Variants in DPYSL2 observed in about 807,000 individuals in gnomAD.
DPYSL2 encodes dihydropyrimidinase like 2.
DPYSL2 carries 13 observed loss-of-function variants against 69.9 expected under a neutral mutation model. The ratio of observed to expected loss-of-function variants is 0.19; its 90% CI spans 0.12 to 0.30. The LOEUF is 0.30. Ranked by LOEUF, DPYSL2 falls within the 10% of genes least tolerant of loss-of-function variation. DPYSL2 has a pLI of 1.00. For synonymous variants in DPYSL2, 326 were observed against 359.1 expected, an observed-to-expected ratio of 0.91 and a Z score of 1.04; for missense variants, 587 against 918.9, an observed-to-expected ratio of 0.64 and a Z score of 4.67.
rs1276373820 is a variant in DPYSL2 at position 26,652,778 on chromosome 8, A to C, written c.1776+342A>C. On this transcript the variant is annotated intron_variant, in intron 12 of 13. Coordinates refer to ENST00000521913, the MANE Select transcript of DPYSL2 (RefSeq NM_001197293.3). This position sits in a 1 kb window ranked among gnomAD's most constrained non-coding sequence, Gnocchi z 6.3. ...AGGTTAAGTAGGAGTTTGTCAAGTC[A>C]AAGAAGGGAGATGAGGGAATTTGAT... Among the ~76,000 whole-genome samples, 1 of 152,194 alleles carries C rather than the reference A, an allele frequency of 6.6e-6. No homozygotes were observed.
In DPYSL2 at chr8:26,598,655, A is replaced by G. The variant is rs1486549665; in HGVS notation, c.628+14672A>G. On this transcript the variant is annotated intron_variant, in intron 3 of 13. Transcript: ENST00000521913. The surrounding 1 kb of genome is among the most constrained non-coding windows in gnomAD (Gnocchi z 4.2). ...TTTTTTCCCGTTAGCTTACAGCACA[A>G]AGTACTTTGAAATAAAGATTGGCTC... 2.0e-5 allele frequency among the ~76,000 whole-genome samples: 3 copies of G among 152,130 alleles called. No individual in the cohort carries two copies. Among genetic ancestry groups the G allele is most frequent in the South Asian group, 4.1e-4 (2 of 4,826 alleles).
In DPYSL2 at chr8:26,571,262, G is replaced by A. The variant is rs1031767492; in HGVS notation, c.355-10707G>A. Among the ~76,000 whole-genome samples the A allele has an allele frequency of 6.6e-6, 1 of 152,144 alleles. No homozygotes were observed. Among genetic ancestry groups the A allele is most frequent in the African/African-American group, 2.4e-5 (1 of 41,414 alleles). On this transcript the variant is annotated intron_variant, in intron 1 of 13. Transcript: ENST00000521913. The surrounding 1 kb of genome is among the most constrained non-coding windows in gnomAD (Gnocchi z 6.1). ...AAAACCTTCCTGGACCTTACCTCCG[G>A]ATATTCTGTTCAGGATGTCTGAGCT... is the stretch of plus-strand genomic sequence containing the variant.
intron 11 of DPYSL2, among the ~76,000 whole-genome samples, chr8:26,651,429 C>T (rs1260966035): frequency 2.6e-5 from 4 of 152,190 alleles, no homozygotes; most frequent in Non-Finnish European, 4.4e-5. Context: ...TTGGAGCAAC[C>T]TATTAATCCT....
chr8:26,578,062 A>C, intron 1 of DPYSL2: 1 of 1,461,984 alleles, frequency 6.8e-7, no homozygotes, highest in Non-Finnish European at 9.0e-7. Context: ...GAGAGGAAGA[A>C]AGAGAGACAG....
intron 1 of DPYSL2, among the ~76,000 whole-genome samples, chr8:26,539,285 C>A (rs966220587): frequency 2.0e-5 from 3 of 152,188 alleles, no homozygotes; most frequent in African/African-American, 7.2e-5. Context: ...CCCTCTCCCC[C>A]TGCCCAGCAC....
At chr8:26,573,394 C>T (rs897780031) in intron 1 of DPYSL2, among the ~76,000 whole-genome samples, 7 of 150,726 alleles carry the variant, frequency 4.6e-5, no homozygotes, top group Non-Finnish European at 8.9e-5. Context: ...CGTGGCCGGG[C>T]GCGGTGGCTC....
chr8:26,600,721 C>T (rs936233021), intron 3 of DPYSL2, among the ~76,000 whole-genome samples: 1 of 152,146 alleles, frequency 6.6e-6, no homozygotes, highest in Non-Finnish European at 1.5e-5. Flanking sequence ...AGGCAGCCCT[C>T]TTAGCTCTCC....
At chr8:26,546,365 C>G (rs1253980831) in intron 1 of DPYSL2, among the ~76,000 whole-genome samples, 1 of 152,118 alleles carries the variant, frequency 6.6e-6, no homozygotes, top group Non-Finnish European at 1.5e-5. Flanking sequence ...GCTACAATTG[C>G]TTATCAGTTC....
intron 1 of DPYSL2, among the ~76,000 whole-genome samples, chr8:26,555,574 C>G (rs1323100661): frequency 1.3e-5 from 2 of 151,866 alleles, no homozygotes; most frequent in African/African-American, 4.8e-5. Context: ...CTACAATTCC[C>G]TATGCACAAA....
At chr8:26,584,693 C>G (rs1244083642) in intron 3 of DPYSL2, among the ~76,000 whole-genome samples, 2 of 146,780 alleles carry the variant, frequency 1.4e-5, no homozygotes, top group African/African-American at 5.1e-5. Flanking sequence ...AATCTGGGCT[C>G]ACTGCAACCT....
In DPYSL2 at chr8:26,652,569, A is replaced by T; in HGVS notation, c.1776+133A>T. ...ATTCCAGGGATAAGAGGGAGCCTGA[A>T]TTTTTTATTCCTGGCATTTAAAATA... On this transcript the variant is annotated intron_variant, in intron 12 of 13. Coordinates refer to ENST00000521913, the MANE Select transcript of DPYSL2 (RefSeq NM_001197293.3). The surrounding 1 kb of genome is among the most constrained non-coding windows in gnomAD (Gnocchi z 6.3). The T allele has an allele frequency of 1.0e-6, 1 of 976,804 alleles. No homozygotes were observed. The highest frequency in any genetic ancestry group is 1.5e-6 in the Non-Finnish European group (1 of 679,640). The allele number at this position is 976,804 out of a possible 1,614,324, so 60.5% of individuals were successfully genotyped here.
chr8:26,545,211 T>G (rs191235268), intron 1 of DPYSL2, among the ~76,000 whole-genome samples: 142 of 152,294 alleles, frequency 9.3e-4, no homozygotes, highest in African/African-American at 3.3e-3. Flanking sequence ...AGTATGCACA[T>G]TTTTCTCAGG....
intron 1 of DPYSL2, among the ~76,000 whole-genome samples, chr8:26,532,881 G>T (rs1286146257): frequency 6.6e-6 from 1 of 152,122 alleles, no homozygotes; most frequent in Non-Finnish European, 1.5e-5. Context: ...TCTTAGTTAT[G>T]TATCAAGGAG....
intron 1 of DPYSL2, chr8:26,578,040 G>T (rs1801400985): frequency 2.8e-6 from 4 of 1,422,344 alleles, no homozygotes; most frequent in Non-Finnish European, 2.7e-6. Context: ...CCTAGCTGGG[G>T]CTGTGTTGGA....
At chr8:26,539,421 G>A (rs937177183) in intron 1 of DPYSL2, among the ~76,000 whole-genome samples, 4 of 152,268 alleles carry the variant, frequency 2.6e-5, no homozygotes, top group East Asian at 1.9e-4. Context: ...TTTAGCATAC[G>A]TTGTGCACTT....
At chr8:26,638,658 T>G (rs1263438228) in intron 8 of DPYSL2, among the ~76,000 whole-genome samples, 1 of 152,178 alleles carries the variant, frequency 6.6e-6, no homozygotes, top group East Asian at 1.9e-4. Flanking sequence ...GCTGAGGCAA[T>G]GAACACAGAG....
rs1210936427 is a variant in DPYSL2, at chr8:26,565,741, G to GTT, written c.355-16226_355-16225dup. On this transcript the variant is annotated intron_variant, in intron 1 of 13. Transcript: ENST00000521913. The surrounding 1 kb of genome is among the most constrained non-coding windows in gnomAD (Gnocchi z 4.1). ...TATCACATAATAGTTCAAGGTGGGT[G>GTT]TTTCTGTTGAGTGGGCAGAGAAAGG... 6.6e-6 allele frequency among the ~76,000 whole-genome samples: 1 copy of GTT among 152,192 alleles called. No homozygotes were observed. Among genetic ancestry groups the GTT allele is most frequent in the Non-Finnish European group, 1.5e-5 (1 of 68,026 alleles).
chr8:26,601,772 C>T (rs1801998628), intron 3 of DPYSL2, among the ~76,000 whole-genome samples: 4 of 152,218 alleles, frequency 2.6e-5, no homozygotes, highest in Admixed American at 2.6e-4. Flanking sequence ...TGAGTGTACT[C>T]AGGCCCAGCT....
chr8:26,599,307 C>G (rs1229347337), intron 3 of DPYSL2, among the ~76,000 whole-genome samples: 1 of 152,058 alleles, frequency 6.6e-6, no homozygotes, highest in Non-Finnish European at 1.5e-5. Flanking sequence ...TTTGTGGTCC[C>G]CCTGGCAGGT....
Sources: allele counts gnomAD v4.1 joint callset (sites outside exome capture counted in the v4.1 genomes callset), GRCh38; gene constraint gnomAD v4.1.1; non-coding constraint Gnocchi (gnomAD v3.1); transcripts MANE v1.5; gene names NCBI Gene and HGNC (gene_info 2026-07-23, HGNC 2026-07-21).